MYRIP: variants seen among roughly 807,000 people sequenced by gnomAD.
MYRIP encodes rab effector MyRIP.
In MYRIP, 49 loss-of-function variants were observed where a neutral mutation model predicts 98.0. That is an observed-to-expected ratio of 0.50 (90% CI 0.40 to 0.63). The LOEUF is 0.63. Among genes scored for constraint, MYRIP ranks in the 30% least tolerant of loss-of-function variants. The pLI is 0.00. For synonymous variants in MYRIP, 404 were observed against 409.5 expected (o/e 0.99, Z 0.16); for missense variants, 1,004 against 1,058.2 (o/e 0.95, Z 0.71).
At chr3:39,938,052 T>A (rs1353513263) in intron 2 of MYRIP, among the ~76,000 whole-genome samples, 1 of 152,104 alleles carries the variant, frequency 6.6e-6, no homozygotes, top group African/African-American at 2.4e-5. Context: ...AAGCTTGGCA[T>A]CTCCCATGAA....
chr3:40,133,224 T>G (rs574319335), intron 3 of MYRIP, among the ~76,000 whole-genome samples: 32 of 152,184 alleles, frequency 2.1e-4, no homozygotes, highest in African/African-American at 7.2e-4. Flanking sequence ...TAAGAATTCA[T>G]CCACTCACTG....
At chr3:40,119,912 A>G (rs564600847) in intron 3 of MYRIP, among the ~76,000 whole-genome samples, 5 of 151,678 alleles carry the variant, frequency 3.3e-5, no homozygotes, top group Non-Finnish European at 5.9e-5. Context: ...AACTTAAAGT[A>G]TAATAATAAT....
intron 1 of MYRIP, among the ~76,000 whole-genome samples, chr3:39,874,776 C>G (rs1248281271): frequency 6.6e-6 from 1 of 152,142 alleles, no homozygotes; most frequent in Non-Finnish European, 1.5e-5. Context: ...CATCAATGTT[C>G]ATTAAGGATA....
intron 3 of MYRIP, among the ~76,000 whole-genome samples, chr3:40,134,097 C>A (rs1949706537): frequency 6.6e-6 from 1 of 152,156 alleles, no homozygotes; most frequent in African/African-American, 2.4e-5. Context: ...ATTGCCACAC[C>A]CGGGAAGCGC....
chr3:39,876,861 T>C (rs923487697), intron 1 of MYRIP, among the ~76,000 whole-genome samples: 2 of 152,122 alleles, frequency 1.3e-5, no homozygotes, highest in South Asian at 2.1e-4. Flanking sequence ...TGGTGTTCTC[T>C]GTATTTCCTG....
rs569846206 is a variant in MYRIP at position 39,878,028 on chromosome 3, C to T, written c.-30-22759C>T. Among the ~76,000 whole-genome samples, 7 of 152,350 alleles carry T rather than the reference C, an allele frequency of 4.6e-5. No homozygotes were observed. The South Asian group carries it at 1.2e-3, about 27-fold the overall frequency. ...TCGAGCTTCCCGGCTGCTTTGTTTA[C>T]CTAAGCAAGCCTGGGCAATGGCAGG... On this transcript the variant is annotated intron_variant, in intron 1 of 16. Coordinates refer to ENST00000302541, the MANE Select transcript of MYRIP (RefSeq NM_015460.4).
At chr3:39,880,868 C>G (rs916852127) in intron 1 of MYRIP, among the ~76,000 whole-genome samples, 2 of 152,114 alleles carry the variant, frequency 1.3e-5, no homozygotes, top group Non-Finnish European at 2.9e-5. Flanking sequence ...TCCTTTTAAT[C>G]TGGAAATTAG....
Position 40,190,471 on chromosome 3 carries a change from A to G in MYRIP, c.1665+8A>G. Reference sequence around the variant, plus strand: ...GATCTAGACACACATCAGGTAATGGAAGTGCATGCGTGCAAATGCACACAC... The same window carrying G: ...GATCTAGACACACATCAGGTAATGGGAGTGCATGCGTGCAAATGCACACAC... On this transcript the variant is annotated splice_region_variant and intron_variant, in intron 10 of 16. Transcript: ENST00000302541. 2 of 1,570,370 alleles carry G rather than the reference A, an allele frequency of 1.3e-6. No homozygotes were observed. Among genetic ancestry groups the G allele is most frequent in the Admixed American group, 1.8e-5 (1 of 54,826 alleles).
intron 3 of MYRIP, among the ~76,000 whole-genome samples, chr3:40,084,089 A>G (rs766048888): frequency 1.7e-4 from 24 of 140,684 alleles, no homozygotes; most frequent in Non-Finnish European, 2.9e-4. Context: ...GGGAGCCGAG[A>G]TCACACCACT....
rs1329327299 is a variant in MYRIP, at chr3:40,192,315, TATATATATATGTC to T, written c.1665+1863_1665+1875del. ...TGCGGCAGTTAGTTTTCTTCATATA[TATATATATATGTC>T]ATATATATATATGTCATATATATAT... On this transcript the variant is annotated intron_variant, in intron 10 of 16. Coordinates refer to ENST00000302541, the MANE Select transcript of MYRIP (RefSeq NM_015460.4). Among the ~76,000 whole-genome samples the T allele has an allele frequency of 3.4e-3, 71 of 21,134 alleles. 7 individuals are homozygous for T. The highest frequency in any genetic ancestry group is 5.5e-3 in the African/African-American group (65 of 11,722). 13.9% of individuals were successfully genotyped at this position (21,134 alleles called of 152,430 possible).
intron 3 of MYRIP, among the ~76,000 whole-genome samples, chr3:40,120,366 A>G (rs1949376289): frequency 6.9e-6 from 1 of 145,170 alleles, no homozygotes; most frequent in Admixed American, 6.8e-5. Context: ...TATATAACTT[A>G]ACATTACCAT....
At chr3:40,167,371 T>G (rs1421984608) in intron 7 of MYRIP, 132 bp downstream of exon 7, 4 of 836,256 alleles carry the variant, frequency 4.8e-6, no homozygotes, top group African/African-American at 1.7e-5. Context: ...ACTTTAGACT[T>G]TTGTGCCCTG....
chr3:40,150,980 T>G, intron 3 of MYRIP, 68 bp from the exon 4 acceptor site: 2 of 1,392,620 alleles, frequency 1.4e-6, no homozygotes, highest in South Asian at 1.5e-5. Context: ...CTGTGAAGCA[T>G]TGCAGCAGTT....
intron 3 of MYRIP, among the ~76,000 whole-genome samples, chr3:40,122,563 AAC>A (rs1949426883): frequency 6.6e-6 from 1 of 151,876 alleles, no homozygotes; most frequent in African/African-American, 2.4e-5. Flanking sequence ...TACATAATTA[AAC>A]ACATTAATCT....
At chr3:40,231,489 G>A (rs1270335714) in intron 11 of MYRIP, among the ~76,000 whole-genome samples, 1 of 152,150 alleles carries the variant, frequency 6.6e-6, no homozygotes, top group Non-Finnish European at 1.5e-5. Context: ...AGGTATTCCA[G>A]GCCAAAAACC....
In MYRIP at chr3:40,210,041, A is replaced by G. The variant is rs749980625; in HGVS notation, c.1853A>G (p.Glu618Gly). 1.2e-6 allele frequency: 2 copies of G among 1,614,128 alleles called. No individual in the cohort carries two copies. Among genetic ancestry groups the G allele is most frequent in the Non-Finnish European group, 1.7e-6 (2 of 1,179,974 alleles). ...AAGACAGAATCTGAGAACCAGAAGG[A>G]AAGTCTGTCCTCTGAAGACAACAGC... is the stretch of plus-strand genomic sequence containing the variant. ...EPKTESENQK[E>G]SLSSEDNSQS... Residue 618 changes from glutamate to glycine, a missense_variant, in exon 11 of 17, where the codon GAA (glutamate) becomes GGA (glycine). Around this residue, in one of 3 missense-constraint regions of MYRIP, gnomAD observed 880 missense variants for 907.7 expected, o/e 0.97. Coordinates refer to ENST00000302541, the MANE Select transcript of MYRIP (RefSeq NM_015460.4).
At chr3:40,130,780 T>TG (rs1949622229) in intron 3 of MYRIP, among the ~76,000 whole-genome samples, 1 of 152,040 alleles carries the variant, frequency 6.6e-6, no homozygotes, top group South Asian at 2.1e-4. Context: ...TCTTACCACC[T>TG]GGGGATATGA....
rs796089910 is a variant in MYRIP, at chr3:40,042,312, G to C, written c.111-1738G>C. On this transcript the variant is annotated intron_variant, in intron 2 of 16. Coordinates refer to ENST00000302541, the MANE Select transcript of MYRIP (RefSeq NM_015460.4). ...ATAAAAAAAAAAAAAAAAAAAAAGA[G>C]AGCCAACCTTCAACCCACTACAGGG... Among the ~76,000 whole-genome samples the C allele has an allele frequency of 3.3e-3, 465 of 141,948 alleles. 3 individuals carry two copies. The highest frequency in any genetic ancestry group is 0.012 in the African/African-American group (457 of 38,134). 93.1% of individuals were successfully genotyped at this position (141,948 alleles called of 152,430 possible). A position where few individuals can be genotyped will look rare whatever the true frequency, so the allele number is the denominator to read the frequency against.
At chr3:39,828,800 G>T (rs112320552) in intron 1 of MYRIP, among the ~76,000 whole-genome samples, 12,487 of 152,142 alleles carry the variant, frequency 0.082, 562 homozygotes, top group African/African-American at 0.12. Flanking sequence ...CATTGCAAAT[G>T]CTGTTAATTC....
Sources: gnomAD v4.1 joint callset for allele counts (sites outside exome capture counted in the v4.1 genomes callset) on GRCh38, gnomAD v4.1.1 for gene constraint, gnomAD v4.1.1 regional missense constraint, MANE v1.5 for transcripts, NCBI Gene and HGNC (gene_info 2026-07-23, HGNC 2026-07-21) for gene names.